The following ARMCX4 variants were observed in gnomAD, a reference collection of about 807,000 sequenced individuals.
ARMCX4 encodes the protein armadillo repeat containing X-linked 4, also known as armadillo repeat-containing X-linked protein 4.
A neutral mutation model predicts 34.7 loss-of-function variants in ARMCX4; 3 were observed. That is an observed-to-expected ratio of 0.09 (90% CI 0.04 to 0.22). ARMCX4 has a LOEUF of 0.22. Ranked by LOEUF, ARMCX4 falls within the 10% of genes least tolerant of loss-of-function variation. The probability of loss-of-function intolerance (pLI) is 1.00; values close to 1 mark genes in which losing one functional copy is unlikely to be tolerated. For missense variants in ARMCX4, 1,448 were observed against 1,720.8 expected, an observed-to-expected ratio of 0.84 and a Z score of 2.81; for synonymous variants, 513 against 632.8, an observed-to-expected ratio of 0.81 and a Z score of 2.84.
rs1556007599 is a variant in ARMCX4 at position 101,488,750 on chromosome X, A to G, written c.161A>G (p.Gln54Arg). The G allele has an allele frequency of 8.6e-7, 1 of 1,156,154 alleles. No homozygotes were observed. The highest frequency in any genetic ancestry group is 2.6e-5 in the Admixed American group (1 of 38,774). ...TVKMETVVGV[Q>R]SQTLAINEAE... ...AAGATGGAGACTGTGGTTGGGGTAC[A>G]GAGCCAGACCTTGGCCATAAATGAA... is the stretch of plus-strand genomic sequence containing the variant. The change falls in exon 6 of 6, where the codon CAG becomes CGG. Residue 54 changes from glutamine to arginine, a missense_variant. Coordinates refer to ENST00000423738, the MANE Select transcript of ARMCX4 (RefSeq NM_001256155.3).
upstream of ARMCX4, among the ~76,000 whole-genome samples, chrX:101,481,236 T>C (rs1933435670): frequency 8.9e-6 from 1 of 112,706 alleles, no homozygotes; most frequent in Non-Finnish European, 1.9e-5. Context: ...TTTACTTTAA[T>C]TGGTGGTGCA....
intron 2 of ARMCX4, among the ~76,000 whole-genome samples, chrX:101,426,473 TAAG>T (rs1929630410): frequency 9.0e-6 from 1 of 110,924 alleles, no homozygotes; most frequent in Non-Finnish European, 1.9e-5. Flanking sequence ...GTAGAGATAA[TAAG>T]GAGGAGGAGT....
rs1433851401 is a variant in ARMCX4, at chrX:101,492,150, C to T, written c.3561C>T (p.Ala1187=). 8.7e-7 allele frequency: 1 copy of T among 1,149,589 alleles called. No individual in the cohort carries two copies. The highest frequency in any genetic ancestry group is 1.1e-6 in the Non-Finnish European group (1 of 870,816). The allele number at this position is 1,149,589 out of a possible 1,213,427, so 94.7% of individuals were successfully genotyped here. A position where few individuals can be genotyped will look rare whatever the true frequency, so the allele number is the denominator to read the frequency against. The change falls in exon 6 of 6, where the codon GCC becomes GCT. Residue 1187 remains alanine (A), a synonymous_variant. Coordinates refer to ENST00000423738, the MANE Select transcript of ARMCX4 (RefSeq NM_001256155.3). ...CTTGGGCTAGAGCTGGGGAGCAGGC[C>T]AGTGGAGGGCTCTGGGCTGGGGGTC... ...IGTWARAGEQ[A]SGGLWAGGQT...
chrX:101,451,036 G>T (rs1438983172), downstream of ARMCX4, among the ~76,000 whole-genome samples: 2 of 111,522 alleles, frequency 1.8e-5, no homozygotes, highest in East Asian at 5.6e-4. Context: ...GTTGGAGGTG[G>T]GGTGGCATAA....
chrX:101,489,074 A>G lies in ARMCX4; in HGVS notation c.485A>G (p.Glu162Gly). ...DAEAGKIVKK[E>G]AVTQTKAKAW... The stretch of plus-strand genomic sequence containing the variant: ...GAGGCTGGCAAAATAGTTAAGAAAG[A>G]AGCAGTGACACAGACCAAGGCTAAA... The change falls in exon 6 of 6, where the codon GAA (glutamate) becomes GGA (glycine). Residue 162 changes from glutamate to glycine, a missense_variant. Physicochemically the swap from Glu to Gly is moderately conservative, Grantham distance 98. Transcript: ENST00000423738. 1 of 1,156,331 alleles carries G rather than the reference A, an allele frequency of 8.6e-7. No homozygotes were observed. Among genetic ancestry groups the G allele is most frequent in the Non-Finnish European group, 1.1e-6 (1 of 873,103 alleles).
At chrX:101,524,029 G>T (rs1343665398) in intron 11 of ARMCX4, among the ~76,000 whole-genome samples, 1 of 110,057 alleles carries the variant, frequency 9.1e-6, no homozygotes, top group Non-Finnish European at 1.9e-5. Context: ...CTTTCCTCCT[G>T]GGAAGAATCC....
chrX:101,491,413 G>A lies in ARMCX4; in HGVS notation c.2824G>A (p.Ala942Thr), dbSNP rs868929216. The change falls in exon 6 of 6, where the codon GCA (alanine) becomes ACA (threonine). Residue 942 changes from alanine to threonine, a missense_variant. Ala to Thr is a moderately conservative substitution (Grantham distance 58). Around this residue, in one of 2 missense-constraint regions of ARMCX4, gnomAD observed 1,343 missense variants for 1,540.7 expected, o/e 0.87. Coordinates refer to ENST00000423738, the MANE Select transcript of ARMCX4 (RefSeq NM_001256155.3). Reference protein sequence around the residue: ...SNAISKAEAGAGIMGSVQVQV... With the variant: ...SNAISKAEAGTGIMGSVQVQV... ...TGCTATTTCTAAGGCAGAGGCTGGG[G>A]CAGGCATAATGGGCTCTGTCCAGGT... is the stretch of plus-strand genomic sequence containing the variant. 3 of 1,155,230 alleles carry A rather than the reference G, an allele frequency of 2.6e-6. No homozygotes were observed. Among genetic ancestry groups the A allele is most frequent in the Non-Finnish European group, 3.4e-6 (3 of 872,848 alleles).
intron 2 of ARMCX4, among the ~76,000 whole-genome samples, chrX:101,438,746 A>T (rs1409420951): frequency 9.1e-6 from 1 of 110,281 alleles, no homozygotes; most frequent in African/African-American, 3.3e-5. Flanking sequence ...GTCTCTTTTG[A>T]TCTTTGTTGG....
Position 101,494,332 on chromosome X carries a change from A to G in ARMCX4, c.5743A>G (p.Arg1915Gly). ...TGAGAGTGAGAACAGTAATACGTTC[A>G]GATCTAAGAGTGGGAAAGATGCCAG... ...WAESENSNTFRSKSGKDASFE... is the reference protein window; with the variant it reads ...WAESENSNTFGSKSGKDASFE... The change falls in exon 6 of 6, where the codon AGA (arginine) becomes GGA (glycine). Residue 1915 changes from arginine (R) to glycine (G), a missense_variant. Physicochemically the swap from Arg to Gly is moderately radical, Grantham distance 125. Coordinates refer to ENST00000423738, the MANE Select transcript of ARMCX4 (RefSeq NM_001256155.3). The G allele has an allele frequency of 8.7e-7, 1 of 1,154,747 alleles. No individual in the cohort carries two copies. The highest frequency in any genetic ancestry group is 1.1e-6 in the Non-Finnish European group (1 of 872,244).
At chrX:101,454,420 T>A in intron 4 of ARMCX4, among the ~76,000 whole-genome samples, 1 of 108,223 alleles carries the variant, frequency 9.2e-6, no homozygotes, top group Non-Finnish European at 1.9e-5. Flanking sequence ...GGACTATAGG[T>A]GCCTGCCACC....
intron 2 of ARMCX4, among the ~76,000 whole-genome samples, chrX:101,420,150 G>A (rs1355376075): frequency 1.8e-5 from 2 of 111,718 alleles, no homozygotes; most frequent in Non-Finnish European, 3.8e-5. Context: ...ATCAGGTCAG[G>A]AGTTCGAGAC....
In ARMCX4 at chrX:101,465,390, A is replaced by G. The variant is rs781956467; in HGVS notation, c.-473+19346A>G. Reference sequence around the variant, plus strand: ...ACAAAAAAGCTGATGTAGTTGTATTAATATCAGATAAAGTAGACTTTAAAG... The same window carrying G: ...ACAAAAAAGCTGATGTAGTTGTATTGATATCAGATAAAGTAGACTTTAAAG... On this transcript the variant is annotated intron_variant and NMD_transcript_variant, in intron 4 of 15. Coordinates refer to the ARMCX4 transcript ENST00000433011. Among the ~76,000 whole-genome samples, 4 of 112,318 alleles carry G rather than the reference A, an allele frequency of 3.6e-5. No individual in the cohort carries two copies. In the South Asian group the frequency reaches 1.1e-3, roughly 31 times the overall value.
At position 101,492,366 on chromosome X, in the gene ARMCX4, A is replaced by G. The variant is rs1934012092; in HGVS notation, c.3777A>G (p.Glu1259=). Residue 1259 remains glutamate (E), a synonymous_variant, in exon 6 of 6, where the codon GAA becomes GAG. Coordinates refer to ENST00000423738, the MANE Select transcript of ARMCX4 (RefSeq NM_001256155.3). ...CCAGTGGGGTGTCCTGGGTTGGGGA[A>G]GAGGCCATTGGAGGGTCCTGGACTG... ...GQASGVSWVG[E]EAIGGSWTGA... is the part of the protein sequence containing the mutation. 4.4e-6 allele frequency: 5 copies of G among 1,147,636 alleles called. No individual in the cohort carries two copies. The highest frequency in any genetic ancestry group is 4.6e-6 in the Non-Finnish European group (4 of 870,119). The allele number at this position is 1,147,636 out of a possible 1,213,427, so 94.6% of individuals were successfully genotyped here.
At chrX:101,421,585 G>T (rs1256396357) in intron 2 of ARMCX4, among the ~76,000 whole-genome samples, 1 of 111,404 alleles carries the variant, frequency 9.0e-6, no homozygotes, top group African/African-American at 3.3e-5. Flanking sequence ...CTAAGGTTAA[G>T]GTGTGGGCAG....
At position 101,489,395 on chromosome X, in the gene ARMCX4, G is replaced by A; in HGVS notation, c.806G>A (p.Arg269Lys). The change falls in exon 6 of 6, where the codon AGG becomes AAG. Residue 269 changes from arginine to lysine, a missense_variant. This residue lies in a region of ARMCX4 where 1,343 missense variants were observed against 1,540.7 expected (regional missense o/e 0.87). Coordinates refer to ENST00000423738, the MANE Select transcript of ARMCX4 (RefSeq NM_001256155.3). ...AGGGGAAATCCCAATGGCATGTCCA[G>A]GGAGGTGGCTGGAGTGGACATGAAG... ...DARGNPNGMS[R>K]EVAGVDMKSC... is the part of the protein sequence containing the mutation. 1.7e-6 allele frequency: 2 copies of A among 1,155,632 alleles called. No individual in the cohort carries two copies. Among genetic ancestry groups the A allele is most frequent in the Non-Finnish European group, 2.3e-6 (2 of 872,840 alleles).
At chrX:101,444,947 CT>C (rs1320523089) in intron 3 of ARMCX4, among the ~76,000 whole-genome samples, 1 of 111,604 alleles carries the variant, frequency 9.0e-6, no homozygotes, top group Non-Finnish European at 1.9e-5. Flanking sequence ...ACTGCTTGCC[CT>C]GGCTGTCTCC....
chrX:101,463,744 A>ATTAT (rs1225879481), intron 4 of ARMCX4, among the ~76,000 whole-genome samples: 1 of 110,465 alleles, frequency 9.1e-6, no homozygotes, highest in Non-Finnish European at 1.9e-5. Context: ...TATTAATTTT[A>ATTAT]TTATTTATTT....
Position 101,490,178 on chromosome X carries a change from G to A in ARMCX4, c.1589G>A (p.Gly530Asp), listed in dbSNP as rs1354715065. 3.5e-6 allele frequency: 4 copies of A among 1,154,044 alleles called. No homozygotes were observed. Among genetic ancestry groups the A allele is most frequent in the Non-Finnish European group, 4.6e-6 (4 of 872,422 alleles). ...CCTAATACTAGAGGTAAGGCTAGGG[G>A]CAAAGCCAAAGCCAAGTGTAAGACA... ...ALPNTRGKAR[G>D]KAKAKCKTGP... Residue 530 changes from glycine (G) to aspartate (D), a missense_variant, in exon 6 of 6, where the codon GGC (glycine) becomes GAC (aspartate). Coordinates refer to ENST00000423738, the MANE Select transcript of ARMCX4 (RefSeq NM_001256155.3).
At chrX:101,464,405 T>C (rs1469900956) in intron 4 of ARMCX4, among the ~76,000 whole-genome samples, 2 of 111,047 alleles carry the variant, frequency 1.8e-5, no homozygotes, top group African/African-American at 6.5e-5. Context: ...ATAAAATGTG[T>C]TCATTGTAGA....
Sources: allele counts gnomAD v4.1 joint callset (sites outside exome capture counted in the v4.1 genomes callset), GRCh38; gene constraint gnomAD v4.1.1; regional missense constraint gnomAD v4.1.1; transcripts MANE v1.5; gene names NCBI Gene and HGNC (gene_info 2026-07-23, HGNC 2026-07-21).